TMEM230: variants seen among roughly 807,000 people sequenced by gnomAD.
TMEM230 encodes the protein transmembrane protein 230.
Under a neutral mutation model 15.8 loss-of-function variants are expected in TMEM230, and 10 were observed. The ratio of observed to expected loss-of-function variants is 0.63; its 90% CI spans 0.39 to 1.07. The LOEUF is 1.07. TMEM230 is among the 50% of genes least tolerant of loss of function. The pLI, the probability that TMEM230 is intolerant of heterozygous loss-of-function variation, is 0.01. For missense variants in TMEM230, 165 were observed against 193.3 expected, an observed-to-expected ratio of 0.85 and a Z score of 0.87; for synonymous variants, 67 against 76.9, an observed-to-expected ratio of 0.87 and a Z score of 0.68.
In TMEM230 at chr20:5,113,033, T is replaced by C. The variant is rs932652748; in HGVS notation, c.-5A>G. 6.5e-6 allele frequency: 10 copies of C among 1,546,806 alleles called. No homozygotes were observed. Among genetic ancestry groups the C allele is most frequent in the Admixed American group, 5.9e-5 (3 of 50,994 alleles). On this transcript the variant is annotated 5_prime_UTR_variant, in exon 1 of 5. The change abolishes an upstream ATG in the 5' untranslated region. Transcript: ENST00000342308. ...TGGCAGCGCCCAAGGTTGCATGGCATGGCCCGCTTAAGTGCCACTCAGCCG... is the reference window on the plus strand; with the variant it reads ...TGGCAGCGCCCAAGGTTGCATGGCACGGCCCGCTTAAGTGCCACTCAGCCG...
chr20:5,065,546 GT>G (rs2088643825), downstream of TMEM230, among the ~76,000 whole-genome samples: 1 of 152,234 alleles, frequency 6.6e-6, no homozygotes, highest in Non-Finnish European at 1.5e-5. Context: ...GTGGCTGTGA[GT>G]GGGGCCTATT....
intron 3 of TMEM230, among the ~76,000 whole-genome samples, chr20:5,070,633 A>G (rs142385498): frequency 2.9e-4 from 44 of 152,336 alleles, no homozygotes; most frequent in African/African-American, 9.4e-4. Flanking sequence ...TCCTTTCACC[A>G]CAATGGTTCC....
chr20:5,070,164 C>T (rs548510978), intron 3 of TMEM230, among the ~76,000 whole-genome samples: 2 of 152,230 alleles, frequency 1.3e-5, no homozygotes, highest in South Asian at 4.1e-4. Context: ...GACCCCAGCC[C>T]CCATGCTAAG....
intron 2 of TMEM230, 135 bp from the exon 2 acceptor site, chr20:5,109,580 C>T (rs1568509561): frequency 1.5e-6 from 1 of 670,532 alleles, no homozygotes; most frequent in Admixed American, 2.8e-5. Flanking sequence ...GGGCAATTTA[C>T]ACTTCACTGC....
chr20:5,110,122 T>C (rs1014074898), intron 2 of TMEM230, among the ~76,000 whole-genome samples: 4 of 152,170 alleles, frequency 2.6e-5, no homozygotes, highest in Non-Finnish European at 5.9e-5. Flanking sequence ...AGTGGGTTGA[T>C]CTCAGCTCAC....
chr20:5,100,963 C>A (rs2089834270), intron 4 of TMEM230, 32 bp from the exon 4 acceptor site: 9 of 1,611,772 alleles, frequency 5.6e-6, no homozygotes, highest in African/African-American at 2.7e-5. Context: ...CACATTAGTA[C>A]CGTAAGAGTT....
intron 3 of TMEM230, among the ~76,000 whole-genome samples, chr20:5,071,565 G>T (rs1036231917): frequency 2.0e-5 from 3 of 150,642 alleles, no homozygotes; most frequent in Non-Finnish European, 4.4e-5. Flanking sequence ...GGAGGTTGCA[G>T]TGAGCCAAGA....
At chr20:5,060,332 CTTTTT>C in the TMEM230 span, among the ~76,000 whole-genome samples, 2 of 102,908 alleles carry the variant, frequency 1.9e-5, no homozygotes. Flanking sequence ...AGTGTATTGT[CTTTTT>C]TTTTTTTTTT....
chr20:5,082,501 G>A (rs906103919), intron 3 of TMEM230, among the ~76,000 whole-genome samples: 10 of 152,208 alleles, frequency 6.6e-5, no homozygotes, highest in African/African-American at 2.2e-4. Context: ...GAATGCAGTG[G>A]CACGATCTAG....
In TMEM230 at chr20:5,108,157, C is replaced by T. The variant is rs576706701; in HGVS notation, c.288+1175G>A. Among the ~76,000 whole-genome samples the T allele has an allele frequency of 1.3e-4, 20 of 152,108 alleles. No individual in the cohort carries two copies. In the East Asian group the frequency reaches 3.3e-3, roughly 25 times the overall value. ...ACAAGAGGCTGGGCAAGGTGGCTCA[C>T]GCCTATAATCCCAGCACTTTGCGAG... is the stretch of plus-strand genomic sequence containing the variant. On this transcript the variant is annotated intron_variant, in intron 3 of 4. Transcript: ENST00000342308.
chr20:5,061,841 T>C, the TMEM230 span, among the ~76,000 whole-genome samples: 2 of 152,242 alleles, frequency 1.3e-5, no homozygotes, highest in Non-Finnish European at 2.9e-5. Flanking sequence ...CAGCATCTGT[T>C]CCGGAACAGG....
Position 5,071,971 on chromosome 20 carries a change from G to A in TMEM230, c.223-2622C>T, listed in dbSNP as rs142614719. ...TCACCATGTTGGTCAAGCTGGTCTT[G>A]AATGCCTGGCCTCAAGTGATCCACC... On this transcript the variant is annotated intron_variant, in intron 3 of 3. Transcript: ENST00000612323. 4.6e-3 allele frequency among the ~76,000 whole-genome samples: 702 copies of A among 152,230 alleles called. 5 individuals are homozygous for A. The highest frequency in any genetic ancestry group is 0.016 in the African/African-American group (677 of 41,548).
At chr20:5,081,547 C>T (rs1215558031) in intron 3 of TMEM230, among the ~76,000 whole-genome samples, 1 of 152,162 alleles carries the variant, frequency 6.6e-6, no homozygotes, top group Non-Finnish European at 1.5e-5. Context: ...GGCACACACG[C>T]CACCTAAAGC....
chr20:5,061,872 G>T, the TMEM230 span, among the ~76,000 whole-genome samples: 1 of 152,066 alleles, frequency 6.6e-6, no homozygotes, highest in Non-Finnish European at 1.5e-5. Flanking sequence ...TCTTAAGAGG[G>T]TTCTATTACA....
At chr20:5,112,797 A>C in intron 1 of TMEM230, 164 bp downstream of exon 1, 1 of 1,501,912 alleles carries the variant, frequency 6.7e-7, no homozygotes, top group African/African-American at 1.4e-5. Context: ...ATTTAGACGT[A>C]AAACAAACAA....
chr20:5,076,509 C>A (rs2089001669), intron 3 of TMEM230, among the ~76,000 whole-genome samples: 1 of 151,864 alleles, frequency 6.6e-6, no homozygotes, highest in African/African-American at 2.4e-5. Flanking sequence ...CCACTGCACT[C>A]CAGCCTGGCT....
intron 3 of TMEM230, among the ~76,000 whole-genome samples, chr20:5,075,242 T>A (rs1448278519): frequency 6.6e-6 from 1 of 151,470 alleles, no homozygotes; most frequent in Non-Finnish European, 1.5e-5. Context: ...ATTTTGTATT[T>A]TTAGTAGAGA....
rs76429474 is a variant in TMEM230 at position 5,109,166 on chromosome 20, G to A, written c.288+166C>T. The A allele has an allele frequency of 8.6e-4, 477 of 552,904 alleles. 2 individuals carry two copies. Among genetic ancestry groups the A allele is most frequent in the African/African-American group, 8.0e-3 (421 of 52,700 alleles). 34.2% of individuals were successfully genotyped at this position (552,904 alleles called of 1,614,324 possible). Reference sequence around the variant, plus strand: ...AATTGGTTTGAAACTACCCTGCCACGGCCCTCTTCTGCGATTATGGCTGAA... The same window carrying A: ...AATTGGTTTGAAACTACCCTGCCACAGCCCTCTTCTGCGATTATGGCTGAA... On this transcript the variant is annotated intron_variant, in intron 3 of 4. Transcript: ENST00000342308.
At chr20:5,076,607 G>C (rs1053628630) in intron 3 of TMEM230, among the ~76,000 whole-genome samples, 3 of 150,774 alleles carry the variant, frequency 2.0e-5, no homozygotes, top group African/African-American at 7.3e-5. Flanking sequence ...GTATTTGTCT[G>C]TTATGTAACA....
Sources: allele counts gnomAD v4.1 joint callset (sites outside exome capture counted in the v4.1 genomes callset), GRCh38; gene constraint gnomAD v4.1.1; transcripts MANE v1.5; gene names NCBI Gene and HGNC (gene_info 2026-07-23, HGNC 2026-07-21).